SLC16A10: variants seen among roughly 807,000 people sequenced by gnomAD.
SLC16A10 encodes monocarboxylate transporter 10.
Under a neutral mutation model 40.0 loss-of-function variants are expected in SLC16A10, and 27 were observed. That is an observed-to-expected ratio of 0.67 (90% confidence interval 0.50 to 0.93). The LOEUF is 0.93. Among genes scored for constraint, SLC16A10 ranks in the 40% least tolerant of loss-of-function variants. The probability of loss-of-function intolerance (pLI) is 0.00; values close to 1 mark genes in which losing one functional copy is unlikely to be tolerated. For synonymous variants in SLC16A10, 213 were observed against 249.8 expected, an observed-to-expected ratio of 0.85 and a Z score of 1.39; for missense variants, 529 against 658.2, an observed-to-expected ratio of 0.80 and a Z score of 2.15.
intron 4 of SLC16A10, among the ~76,000 whole-genome samples, chr6:111,211,750 A>G (rs994447517): frequency 6.6e-6 from 1 of 152,014 alleles, no homozygotes; most frequent in Admixed American, 6.6e-5. Flanking sequence ...CTCCTTTTTC[A>G]TGGCTTCCTT....
At position 111,222,940 on chromosome 6, in the gene SLC16A10, A is replaced by G. The variant is rs1385179561; in HGVS notation, c.*705A>G. 1 of 152,154 alleles carries G rather than the reference A, an allele frequency of 6.6e-6. No individual in the cohort carries two copies. The highest frequency in any genetic ancestry group is 1.9e-4 in the East Asian group (1 of 5,192). 9.4% of individuals were successfully genotyped at this position (152,154 alleles called of 1,614,324 possible). ...TCCCTTTGCGTTTGCAGTGCGTTTTACTCAAGTAGCCAGAAACACCCCACG... is the reference window on the plus strand; with the variant it reads ...TCCCTTTGCGTTTGCAGTGCGTTTTGCTCAAGTAGCCAGAAACACCCCACG... On this transcript the variant is annotated 3_prime_UTR_variant, in exon 6 of 6. Transcript: ENST00000368851.
intron 1 of SLC16A10, among the ~76,000 whole-genome samples, chr6:111,171,136 CATT>C (rs1242713083): frequency 5.9e-5 from 9 of 152,068 alleles, no homozygotes; most frequent in Admixed American, 5.2e-4. Flanking sequence ...GACCCTGTCT[CATT>C]AAAAAAAGAA....
rs1751527151 is a variant in SLC16A10 at position 111,230,667 on chromosome 6, T to C, written c.*8432T>C. 1 of 152,236 alleles carries C rather than the reference T, an allele frequency of 6.6e-6. No individual in the cohort carries two copies. The highest frequency in any genetic ancestry group is 2.1e-4 in the South Asian group (1 of 4,836). 9.4% of individuals were successfully genotyped at this position (152,236 alleles called of 1,614,324 possible). ...CCACCAGTTTATTTTAGCCTTAAAG[T>C]TATAGCTACAACAAATTGAACCCTG... On this transcript the variant is annotated 3_prime_UTR_variant, in exon 6 of 6. Coordinates refer to ENST00000368851, the MANE Select transcript of SLC16A10 (RefSeq NM_018593.5).
chr6:111,201,055 T>A (rs1172114610), intron 3 of SLC16A10, among the ~76,000 whole-genome samples: 1 of 152,202 alleles, frequency 6.6e-6, no homozygotes, highest in Non-Finnish European at 1.5e-5. Context: ...TGATGTACCA[T>A]GTAAATGTAA....
At chr6:111,104,059 CA>C (rs1401395978) in intron 1 of SLC16A10, among the ~76,000 whole-genome samples, 15 of 152,100 alleles carry the variant, frequency 9.9e-5, no homozygotes, top group African/African-American at 3.6e-4. Context: ...AAGTGAATGA[CA>C]AGGAGTTTGA....
rs1771852284 is a variant in SLC16A10 at position 111,134,996 on chromosome 6, C to G, written c.344-37699C>G. On this transcript the variant is annotated intron_variant, in intron 1 of 5. Transcript: ENST00000368851. ...CTGGCCTCCATATCTGTCACTATCCCAGGACAGCCAGTCACTAGATACTTC... is the reference window on the plus strand; with the variant it reads ...CTGGCCTCCATATCTGTCACTATCCGAGGACAGCCAGTCACTAGATACTTC... Among the ~76,000 whole-genome samples the G allele has an allele frequency of 2.0e-5, 3 of 152,116 alleles. No individual in the cohort carries two copies. In the South Asian group the frequency reaches 6.2e-4, roughly 31 times the overall value.
intron 1 of SLC16A10, among the ~76,000 whole-genome samples, chr6:111,145,690 A>G (rs1010820620): frequency 6.6e-6 from 1 of 152,202 alleles, no homozygotes; most frequent in Non-Finnish European, 1.5e-5. Context: ...CTCTTAAAAA[A>G]GAAAAAAAAT....
intron 5 of SLC16A10, among the ~76,000 whole-genome samples, chr6:111,219,290 GGC>G (rs1161911918): frequency 8.5e-5 from 13 of 152,112 alleles, no homozygotes; most frequent in African/African-American, 2.4e-4. Context: ...GGGAGGCTGA[GGC>G]GGGAAGATCA....
intron 1 of SLC16A10, among the ~76,000 whole-genome samples, chr6:111,130,001 C>T (rs1403822262): frequency 6.6e-6 from 1 of 152,020 alleles, no homozygotes; most frequent in East Asian, 1.9e-4. Flanking sequence ...ACTAGAATTC[C>T]AAAATTAGGT....
chr6:111,165,273 A>C (rs1175582894), intron 1 of SLC16A10, among the ~76,000 whole-genome samples: 1 of 152,116 alleles, frequency 6.6e-6, no homozygotes, highest in African/African-American at 2.4e-5. Context: ...GTTTTTTTCT[A>C]AAATGGGGTC....
chr6:111,175,240 T>C (rs1772658060), intron 2 of SLC16A10, among the ~76,000 whole-genome samples: 2 of 152,226 alleles, frequency 1.3e-5, no homozygotes, highest in Admixed American at 1.3e-4. Flanking sequence ...ATTGCACTTA[T>C]TTGGCTGCCA....
chr6:111,205,105 A>G (rs142907136), intron 3 of SLC16A10, among the ~76,000 whole-genome samples: 7 of 152,276 alleles, frequency 4.6e-5, no homozygotes, highest in Admixed American at 4.6e-4. Context: ...AATTGATGAG[A>G]TTAAAGCCAT....
intron 3 of SLC16A10, among the ~76,000 whole-genome samples, chr6:111,191,415 A>G (rs1255426141): frequency 6.6e-6 from 1 of 152,100 alleles, no homozygotes; most frequent in Non-Finnish European, 1.5e-5. Flanking sequence ...TATCCAGTCT[A>G]TCACTGATGG....
intron 1 of SLC16A10, among the ~76,000 whole-genome samples, chr6:111,123,189 T>C (rs1771615510): frequency 6.6e-6 from 1 of 152,190 alleles, no homozygotes; most frequent in African/African-American, 2.4e-5. Flanking sequence ...CCTGGTTCCA[T>C]AGTCACTTGG....
chr6:111,141,484 A>C (rs1254617203), intron 1 of SLC16A10, among the ~76,000 whole-genome samples: 3 of 152,046 alleles, frequency 2.0e-5, no homozygotes, highest in Non-Finnish European at 2.9e-5. Context: ...CCAACATGGA[A>C]AAACCCCATC....
At chr6:111,200,852 A>T (rs1234824934) in intron 3 of SLC16A10, among the ~76,000 whole-genome samples, 1 of 152,166 alleles carries the variant, frequency 6.6e-6, no homozygotes, top group East Asian at 1.9e-4. Flanking sequence ...TGTTGGATGG[A>T]TATTTTCTTA....
chr6:111,096,282 C>T (rs545744202), intron 1 of SLC16A10, among the ~76,000 whole-genome samples: 4 of 152,204 alleles, frequency 2.6e-5, no homozygotes, highest in Non-Finnish European at 5.9e-5. Flanking sequence ...GTTATCACCG[C>T]CTAGCTAGAA....
At chr6:111,154,529 AC>A (rs2114519433) in intron 1 of SLC16A10, among the ~76,000 whole-genome samples, 1 of 152,368 alleles carries the variant, frequency 6.6e-6, no homozygotes, top group South Asian at 2.1e-4. Context: ...GACACAATTT[AC>A]TTGTTACTTT....
intron 4 of SLC16A10, among the ~76,000 whole-genome samples, chr6:111,210,204 G>A (rs779737756): frequency 1.6e-4 from 24 of 152,132 alleles, no homozygotes; most frequent in African/African-American, 5.8e-4. Flanking sequence ...AGCCCTTTAA[G>A]AGAGGAGGTA....
Sources: gnomAD v4.1 joint callset for allele counts (sites outside exome capture counted in the v4.1 genomes callset) on GRCh38, gnomAD v4.1.1 for gene constraint, MANE v1.5 for transcripts, NCBI Gene and HGNC (gene_info 2026-07-23, HGNC 2026-07-21) for gene names.